SGCD: variants seen among roughly 807,000 people sequenced by gnomAD.
The protein encoded by SGCD is sarcoglycan delta.
SGCD carries 18 observed loss-of-function variants against 36.6 expected under a neutral mutation model. That is an observed-to-expected ratio of 0.49 (90% CI 0.34 to 0.73). The LOEUF (loss-of-function observed/expected upper bound fraction) is 0.73, where lower values mean the gene tolerates loss of function less well. SGCD is among the 30% of genes least tolerant of loss of function. The pLI, the probability that SGCD is intolerant of heterozygous loss-of-function variation, is 0.01. For synonymous variants in SGCD, 133 were observed against 130.6 expected, an observed-to-expected ratio of 1.02 and a Z score of -0.12; for missense variants, 387 against 346.7, an observed-to-expected ratio of 1.12 and a Z score of -0.92.
chr5:155,824,793 A>G, the SGCD span, among the ~76,000 whole-genome samples: 1 of 152,166 alleles, frequency 6.6e-6, no homozygotes, highest in Non-Finnish European at 1.5e-5. Flanking sequence ...TGTTGTTAGA[A>G]TCTTGATTTG....
chr5:156,567,122 AC>A (rs1373663801), intron 4 of SGCD, among the ~76,000 whole-genome samples: 1 of 152,160 alleles, frequency 6.6e-6, no homozygotes, highest in East Asian at 1.9e-4. Context: ...TTTTTTGGAT[AC>A]TTTGAAATAT....
chr5:156,745,560 G>C (rs191571303), intron 7 of SGCD, among the ~76,000 whole-genome samples: 1 of 152,088 alleles, frequency 6.6e-6, no homozygotes, highest in Non-Finnish European at 1.5e-5. Context: ...AAATACACTC[G>C]GAAACAAGGC....
At chr5:155,985,370 C>T (rs1200629485) in intron 1 of SGCD, among the ~76,000 whole-genome samples, 2 of 152,162 alleles carry the variant, frequency 1.3e-5, no homozygotes, top group Admixed American at 6.5e-5. Flanking sequence ...TCACATTCCT[C>T]AGCTGTGGCC....
At chr5:156,567,429 GA>G (rs1759540651) in intron 4 of SGCD, among the ~76,000 whole-genome samples, 1 of 87,698 alleles carries the variant, frequency 1.1e-5, no homozygotes, top group African/African-American at 3.2e-5. Flanking sequence ...TAGATAGATA[GA>G]TGGTAGCTCA....
At chr5:156,637,751 G>C (rs533853896) in intron 6 of SGCD, among the ~76,000 whole-genome samples, 8 of 152,164 alleles carry the variant, frequency 5.3e-5, no homozygotes, top group Non-Finnish European at 1.0e-4. Context: ...TGGGGATGAA[G>C]TCAGTGGACA....
At chr5:156,416,188 A>G (rs188906364) in intron 3 of SGCD, among the ~76,000 whole-genome samples, 20 of 152,240 alleles carry the variant, frequency 1.3e-4, no homozygotes, top group African/African-American at 4.8e-4. Context: ...ACTCAGTTGT[A>G]AAAAGGAATA....
chr5:156,626,281 T>C (rs145159827), intron 6 of SGCD, among the ~76,000 whole-genome samples: 1 of 152,358 alleles, frequency 6.6e-6, no homozygotes, highest in African/African-American at 2.4e-5. Context: ...TTGTATGTCC[T>C]CCTTTCTCAT....
At chr5:156,128,602 A>T (rs1223452675) in intron 3 of SGCD, among the ~76,000 whole-genome samples, 3 of 152,124 alleles carry the variant, frequency 2.0e-5, no homozygotes, top group African/African-American at 7.2e-5. Context: ...ACCTGGAGGA[A>T]GGTGATTGGA....
Position 156,767,162 on chromosome 5 carries a change from T to C in SGCD, c.*7772T>C, listed in dbSNP as rs1757605743. On this transcript the variant is annotated 3_prime_UTR_variant, in exon 9 of 9. Coordinates refer to ENST00000337851, the MANE Select transcript of SGCD (RefSeq NM_000337.6). Reference sequence around the variant, plus strand: ...CTTACCAGAGCCAGAAATCTAGCTCTCTGGAAGAGATGCAAGATTCTAGAA... The same window carrying C: ...CTTACCAGAGCCAGAAATCTAGCTCCCTGGAAGAGATGCAAGATTCTAGAA... The C allele has an allele frequency of 1.3e-5, 2 of 152,174 alleles. No homozygotes were observed. The allele number at this position is 152,174 out of a possible 1,614,324, so 9.4% of individuals were successfully genotyped here. A position where few individuals can be genotyped will look rare whatever the true frequency, so the allele number is the denominator to read the frequency against.
intron 7 of SGCD, among the ~76,000 whole-genome samples, chr5:156,654,937 T>A (rs1763615461): frequency 6.6e-6 from 1 of 152,162 alleles, no homozygotes; most frequent in Non-Finnish European, 1.5e-5. Flanking sequence ...AGGAATGAAA[T>A]CACCTGAATA....
At chr5:156,168,971 A>G (rs953571651) in intron 3 of SGCD, among the ~76,000 whole-genome samples, 4 of 152,208 alleles carry the variant, frequency 2.6e-5, no homozygotes, top group African/African-American at 9.7e-5. Flanking sequence ...GGAGGGAGTG[A>G]GGCTGAGGGC....
chr5:156,029,128 T>C (rs1759287251), intron 1 of SGCD, among the ~76,000 whole-genome samples: 1 of 152,154 alleles, frequency 6.6e-6, no homozygotes. Context: ...CGGTTCTGCA[T>C]GAGTAGTGTC....
intron 3 of SGCD, among the ~76,000 whole-genome samples, chr5:156,238,396 C>T (rs984454630): frequency 3.3e-5 from 5 of 152,100 alleles, no homozygotes; most frequent in Admixed American, 2.6e-4. Flanking sequence ...CCAGTGGTGT[C>T]GGCTGTTCAT....
At chr5:155,884,039 T>C (rs769437008) in intron 1 of SGCD, among the ~76,000 whole-genome samples, 2 of 152,152 alleles carry the variant, frequency 1.3e-5, no homozygotes, top group African/African-American at 2.4e-5. Context: ...TCACTCCCAC[T>C]AATAGTTTTT....
intron 3 of SGCD, among the ~76,000 whole-genome samples, chr5:156,181,283 G>GA (rs775769388): frequency 2.0e-5 from 3 of 152,140 alleles, no homozygotes; most frequent in Non-Finnish European, 4.4e-5. Flanking sequence ...TCTCAGTGCT[G>GA]AAAAATGCAA....
chr5:156,208,073 T>G (rs1764337147), intron 3 of SGCD, among the ~76,000 whole-genome samples: 2 of 152,094 alleles, frequency 1.3e-5, no homozygotes, highest in Non-Finnish European at 1.5e-5. Context: ...ATGAGAAGAA[T>G]TACAAACATA....
rs17053611 is a variant in SGCD at position 156,541,853 on chromosome 5, G to A, written c.294+33151G>A. On this transcript the variant is annotated intron_variant, in intron 4 of 8. Transcript: ENST00000337851. ...AAGGTCGTAGCATTGGCAAATACAG[G>A]AACCAGACATTGAGACTGATCTCCA... Among the ~76,000 whole-genome samples, 1,879 of 152,236 alleles carry A rather than the reference G, an allele frequency of 0.012. 94 individuals are homozygous for A. In the East Asian group the frequency reaches 0.17, roughly 14 times the overall value.
chr5:156,450,885 A>G (rs2127806063), intron 3 of SGCD, among the ~76,000 whole-genome samples: 1 of 152,312 alleles, frequency 6.6e-6, no homozygotes, highest in South Asian at 2.1e-4. Flanking sequence ...GGTAATATAG[A>G]CATTATAGAA....
intron 6 of SGCD, among the ~76,000 whole-genome samples, chr5:156,638,955 C>T (rs1762929129): frequency 6.6e-6 from 1 of 151,912 alleles, no homozygotes; most frequent in Non-Finnish European, 1.5e-5. Flanking sequence ...TTATCATTCT[C>T]CATTGTTAAC....
Sources: gnomAD v4.1 joint callset for allele counts (sites outside exome capture counted in the v4.1 genomes callset) on GRCh38, gnomAD v4.1.1 for gene constraint, MANE v1.5 for transcripts, NCBI Gene and HGNC (gene_info 2026-07-23, HGNC 2026-07-21) for gene names.